DNAH12: variants seen among roughly 807,000 people sequenced by gnomAD.
The protein encoded by DNAH12 is dynein axonemal heavy chain 12.
Under a neutral mutation model 371.5 loss-of-function variants are expected in DNAH12, and 285 were observed. The observed-to-expected ratio is 0.77, with a 90% CI of 0.70 to 0.85. DNAH12 has a LOEUF of 0.85. Ranked by LOEUF, DNAH12 falls within the 40% of genes least tolerant of loss-of-function variation. The pLI is 0.00. For synonymous variants in DNAH12, 1,200 were observed against 1,213.0 expected (o/e 0.99, Z 0.22); for missense variants, 3,611 against 3,689.4 (o/e 0.98, Z 0.55).
chr3:57,387,605 A>T (rs1441599587), intron 45 of DNAH12, among the ~76,000 whole-genome samples: 5 of 152,082 alleles, frequency 3.3e-5, no homozygotes, highest in Admixed American at 2.6e-4. Flanking sequence ...CTCCAATTTT[A>T]TTCTAGATAG....
chr3:57,457,310 T>C (rs111875210), intron 22 of DNAH12, among the ~76,000 whole-genome samples: 2 of 152,322 alleles, frequency 1.3e-5, no homozygotes, highest in African/African-American at 4.8e-5. Flanking sequence ...CAGACATATT[T>C]GTCTTCTTTC....
intron 44 of DNAH12, among the ~76,000 whole-genome samples, chr3:57,392,369 G>A (rs2063642862): frequency 6.6e-6 from 1 of 152,144 alleles, no homozygotes; most frequent in African/African-American, 2.4e-5. Flanking sequence ...AATGTAAACA[G>A]CTGAAGTATC....
In DNAH12 at chr3:57,379,998, ATAAT is replaced by A. The variant is rs1352297374; in HGVS notation, c.8082+276_8082+279del. Among the ~76,000 whole-genome samples, 69 of 152,096 alleles carry A rather than the reference ATAAT, an allele frequency of 4.5e-4. No homozygotes were observed. The East Asian group carries it at 0.011, about 24-fold the overall frequency. On this transcript the variant is annotated intron_variant, in intron 51 of 73. Coordinates refer to ENST00000495027, the MANE Select transcript of DNAH12 (RefSeq NM_001366028.2). ...ATAAATTTGTGTATCAGATTTCTTA[ATAAT>A]TAATTTATCATAACAAGACATTTAG...
chr3:57,392,898 T>C (rs1403510), intron 44 of DNAH12, among the ~76,000 whole-genome samples: 82,372 of 152,012 alleles, frequency 0.54, 22,523 homozygotes, highest in East Asian at 0.62. Flanking sequence ...ATATGGAGGA[T>C]GCATTTCTCC....
In DNAH12 at chr3:57,510,999, T is replaced by G. The variant is rs1170139672; in HGVS notation, c.280-20A>C. 6.4e-7 allele frequency: 1 copy of G among 1,562,042 alleles called. No individual in the cohort carries two copies. Among genetic ancestry groups the G allele is most frequent in the Non-Finnish European group, 8.6e-7 (1 of 1,157,568 alleles). On this transcript the variant is annotated intron_variant, in intron 4 of 73. Coordinates refer to ENST00000495027, the MANE Select transcript of DNAH12 (RefSeq NM_001366028.2). Reference sequence around the variant, plus strand: ...GTTGAACTGAGAACATAAGAAAAAATTAAATGTTCTGCATGGTTGTATCAT... The same window carrying G: ...GTTGAACTGAGAACATAAGAAAAAAGTAAATGTTCTGCATGGTTGTATCAT...
chr3:57,550,631 G>A, the DNAH12 span, among the ~76,000 whole-genome samples: 2 of 151,692 alleles, frequency 1.3e-5, no homozygotes, highest in African/African-American at 4.8e-5. Flanking sequence ...TCCTGCCTCA[G>A]CTTCCCAAGC....
intron 34 of DNAH12, chr3:57,428,220 C>T (rs1001735965): frequency 3.1e-5 from 16 of 523,330 alleles, no homozygotes; most frequent in Non-Finnish European, 4.0e-5. Flanking sequence ...AGTGAGCCAC[C>T]GTGGCTGTAG....
At position 57,445,318 on chromosome 3, in the gene DNAH12, CACAG is replaced by C. The variant is rs1417351396; in HGVS notation, c.4277_4280del (p.Ser1426Ter). 2.6e-6 allele frequency: 4 copies of C among 1,551,512 alleles called. No homozygotes were observed. The highest frequency in any genetic ancestry group is 1.7e-4 in the Middle Eastern group (1 of 6,012). ...AAAGCCTATAGGTCATTACTATTTT[CACAG>C]ACAGAGGTCTTGCATTCAAAAATCC... is the stretch of plus-strand genomic sequence containing the variant. On this transcript the variant is annotated frameshift_variant, in exon 28 of 74. Transcript: ENST00000495027. LOFTEE classifies it high-confidence loss of function.
At chr3:57,359,559 CA>C (rs1268515074) in intron 58 of DNAH12, among the ~76,000 whole-genome samples, 2,533 of 72,094 alleles carry the variant, frequency 0.035, 11 homozygotes, top group Middle Eastern at 0.051. Context: ...AACTCCATCT[CA>C]AAAAAAAAAA....
intron 43 of DNAH12, among the ~76,000 whole-genome samples, chr3:57,398,003 C>T (rs2063780712): frequency 6.6e-6 from 1 of 152,116 alleles, no homozygotes; most frequent in Admixed American, 6.5e-5. Flanking sequence ...TTTAAAATAA[C>T]TACCTTAAAG....
At position 57,445,159 on chromosome 3, in the gene DNAH12, A is replaced by G. The variant is rs559583165; in HGVS notation, c.4425+15T>C. ...TTCTACTGAAACTTTCCCAATGTGTATATTTAATACTTACAAGTATATCTT... is the reference window on the plus strand; with the variant it reads ...TTCTACTGAAACTTTCCCAATGTGTGTATTTAATACTTACAAGTATATCTT... On this transcript the variant is annotated intron_variant, in intron 28 of 73. Transcript: ENST00000495027. 1.3e-6 allele frequency: 2 copies of G among 1,514,102 alleles called. No homozygotes were observed. Among genetic ancestry groups the G allele is most frequent in the African/African-American group, 2.8e-5 (2 of 71,764 alleles). 93.8% of individuals were successfully genotyped at this position (1,514,102 alleles called of 1,614,324 possible). A position where few individuals can be genotyped will look rare whatever the true frequency, so the allele number is the denominator to read the frequency against.
chr3:57,452,915 A>G lies in DNAH12; in HGVS notation c.3714T>C (p.Tyr1238=). Residue 1238 remains tyrosine, a synonymous_variant, in exon 25 of 74, where the codon TAT becomes TAC. Transcript: ENST00000495027. ...GTGAGTTACCAAGATATTCATAAGC[A>G]TATTTTACATTGCAATTAATGATAC... ...RVRIINCNVK[Y]AYEYLGNSPR... is the part of the protein sequence containing the mutation. 1.3e-6 allele frequency: 2 copies of G among 1,551,510 alleles called. No homozygotes were observed. Among genetic ancestry groups the G allele is most frequent in the Middle Eastern group, 3.3e-4 (2 of 5,990 alleles).
At chr3:57,302,567 A>ATTTTTTTTTTTTTTTTTTT (rs71088056) in intron 69 of DNAH12, among the ~76,000 whole-genome samples, 2 of 27,484 alleles carry the variant, frequency 7.3e-5, no homozygotes, top group African/African-American at 1.3e-4. Context: ...ATATATATGT[A>ATTTTTTTTTTTTTTTTTTT]TTTTTTTTTT....
intron 8 of DNAH12, among the ~76,000 whole-genome samples, chr3:57,504,827 G>A (rs2067689618): frequency 6.6e-6 from 1 of 151,640 alleles, no homozygotes; most frequent in South Asian, 2.1e-4. Flanking sequence ...CAAATACTAG[G>A]TCTTATTCAT....
At chr3:57,448,239 T>A (rs2065594703) in intron 25 of DNAH12, among the ~76,000 whole-genome samples, 2 of 152,150 alleles carry the variant, frequency 1.3e-5, no homozygotes. Flanking sequence ...TGGTCGGATG[T>A]GTTGGGAGTT....
At chr3:57,363,464 T>C (rs2062983170) in intron 58 of DNAH12, 130 bp downstream of exon 58, 1 of 152,318 alleles carries the variant, frequency 6.6e-6, no homozygotes, top group African/African-American at 2.4e-5. Flanking sequence ...TGGTATTTTA[T>C]CATTTTCTTT....
At position 57,454,944 on chromosome 3, in the gene DNAH12, A is replaced by G. The variant is rs147995556; in HGVS notation, c.3337-50T>C. On this transcript the variant is annotated intron_variant, in intron 22 of 73. Transcript: ENST00000495027. ...ACTTTAAAAGCTTGAATGAGAAAAA[A>G]TAGCTAAATGTCTAACAATAGAGAA... is the stretch of plus-strand genomic sequence containing the variant. 3,039 of 1,526,270 alleles carry G rather than the reference A, an allele frequency of 2.0e-3. 5 individuals are homozygous for G. The highest frequency in any genetic ancestry group is 2.8e-3 in the South Asian group (221 of 79,480). 94.5% of individuals were successfully genotyped at this position (1,526,270 alleles called of 1,614,324 possible). A position where few individuals can be genotyped will look rare whatever the true frequency, so the allele number is the denominator to read the frequency against.
intron 65 of DNAH12, among the ~76,000 whole-genome samples, chr3:57,315,780 T>C (rs950198913): frequency 6.6e-6 from 1 of 152,196 alleles, no homozygotes; most frequent in Non-Finnish European, 1.5e-5. Context: ...CTGGGACAAG[T>C]GGTCTCTGAA....
rs1438938723 is a variant in DNAH12 at position 57,366,737 on chromosome 3, T to C, written c.9159A>G (p.Ala3053=). 6.6e-6 allele frequency: 1 copy of C among 152,220 alleles called. No individual in the cohort carries two copies. Among genetic ancestry groups the C allele is most frequent in the African/African-American group, 2.4e-5 (1 of 41,460 alleles). The allele number at this position is 152,220 out of a possible 1,614,324, so 9.4% of individuals were successfully genotyped here. Reference sequence around the variant, plus strand: ...TCTAAGAAAATACATACCTCTCCTTTGCAACAACAATACCTAGTAATTGAT... The same window carrying C: ...TCTAAGAAAATACATACCTCTCCTTCGCAACAACAATACCTAGTAATTGAT... The part of the protein sequence containing the change: ...LEDQLLGIVV[A]KERPELEEER... Residue 3053 remains alanine, a synonymous_variant, in exon 57 of 74, where the codon GCA becomes GCG. Transcript: ENST00000495027.
Sources: gnomAD v4.1 joint callset for allele counts (sites outside exome capture counted in the v4.1 genomes callset) on GRCh38, gnomAD v4.1.1 for gene constraint, MANE v1.5 for transcripts, NCBI Gene and HGNC (gene_info 2026-07-23, HGNC 2026-07-21) for gene names.